SLC14A2: variants seen among roughly 807,000 people sequenced by gnomAD.
SLC14A2 encodes solute carrier family 14 member 2, also known as urea transporter 2.
SLC14A2 carries 91 observed loss-of-function variants against 104.6 expected under a neutral mutation model. That is an observed-to-expected ratio of 0.87 (90% CI 0.73 to 1.04). The LOEUF (loss-of-function observed/expected upper bound fraction) is 1.04. Ranked by LOEUF, SLC14A2 falls within the 50% of genes least tolerant of loss-of-function variation. The probability of loss-of-function intolerance (pLI) is 0.00; values close to 1 mark genes in which losing one functional copy is unlikely to be tolerated. For missense variants in SLC14A2, 1,189 were observed against 1,156.0 expected, an observed-to-expected ratio of 1.03 and a Z score of -0.41; for synonymous variants, 476 against 466.4, an observed-to-expected ratio of 1.02 and a Z score of -0.27.
chr18:45,228,629 G>A (rs749369727), intron 1 of SLC14A2, among the ~76,000 whole-genome samples: 4 of 152,138 alleles, frequency 2.6e-5, no homozygotes, highest in Admixed American at 6.6e-5. Flanking sequence ...GTTAGGGGGT[G>A]GAAAGACATC....
intron 10 of SLC14A2, among the ~76,000 whole-genome samples, chr18:45,653,395 T>G (rs1323050572): frequency 6.6e-6 from 1 of 152,054 alleles, no homozygotes; most frequent in South Asian, 2.1e-4. Flanking sequence ...TCTACTCAGG[T>G]GTAGCTAATT....
At chr18:45,393,909 G>A (rs1598751081) in intron 1 of SLC14A2, among the ~76,000 whole-genome samples, 1 of 152,128 alleles carries the variant, frequency 6.6e-6, no homozygotes, top group Non-Finnish European at 1.5e-5. Flanking sequence ...CACAGAAGAG[G>A]AAACAGACAC....
At chr18:45,651,964 G>T (rs1425002074) in intron 10 of SLC14A2, among the ~76,000 whole-genome samples, 1 of 152,186 alleles carries the variant, frequency 6.6e-6, no homozygotes, top group Non-Finnish European at 1.5e-5. Flanking sequence ...TCTCTGAAGG[G>T]ACTCTCTTTC....
intron 2 of SLC14A2, among the ~76,000 whole-genome samples, chr18:45,586,572 G>T (rs954406753): frequency 4.6e-5 from 7 of 152,196 alleles, no homozygotes; most frequent in African/African-American, 1.7e-4. Flanking sequence ...AGGCAGAATG[G>T]CAGGCCATTG....
At chr18:45,179,397 T>C in the SLC14A2 span, among the ~76,000 whole-genome samples, 1 of 152,228 alleles carries the variant, frequency 6.6e-6, no homozygotes, top group Non-Finnish European at 1.5e-5. Flanking sequence ...CCAGCTTCCT[T>C]TGCCATAGGA....
chr18:45,559,833 T>C (rs1018627373), intron 2 of SLC14A2, among the ~76,000 whole-genome samples: 1 of 152,232 alleles, frequency 6.6e-6, no homozygotes, highest in African/African-American at 2.4e-5. Context: ...GGCCTCCAGC[T>C]GTAGTGCCAG....
chr18:45,525,253 T>A (rs974587012), intron 2 of SLC14A2, among the ~76,000 whole-genome samples: 6 of 152,172 alleles, frequency 3.9e-5, no homozygotes, highest in Non-Finnish European at 8.8e-5. Flanking sequence ...TGGTAATGAA[T>A]CAAATGCAGT....
chr18:45,215,211 TTTAAGA>T (rs1410689835), intron 1 of SLC14A2, among the ~76,000 whole-genome samples: 3 of 152,222 alleles, frequency 2.0e-5, no homozygotes, highest in Non-Finnish European at 2.9e-5. Flanking sequence ...TATTCATGAG[TTTAAGA>T]TTAAGAATCA....
chr18:45,328,518 A>C (rs1481444866), intron 1 of SLC14A2, among the ~76,000 whole-genome samples: 6 of 152,202 alleles, frequency 3.9e-5, no homozygotes, highest in Non-Finnish European at 8.8e-5. Flanking sequence ...AGATTCATGA[A>C]GTCTCAGTAA....
intron 2 of SLC14A2, among the ~76,000 whole-genome samples, chr18:45,514,766 G>A (rs146559757): frequency 3.3e-5 from 5 of 152,284 alleles, no homozygotes; most frequent in East Asian, 1.9e-4. Flanking sequence ...TTATACCCTC[G>A]AAACGTAGAT....
the SLC14A2 span, among the ~76,000 whole-genome samples, chr18:45,195,017 A>G: frequency 6.6e-6 from 1 of 152,184 alleles, no homozygotes; most frequent in Non-Finnish European, 1.5e-5. Context: ...TGGGCAGAGA[A>G]AGAAGAAACT....
At chr18:45,362,630 A>G (rs1281424122) in intron 1 of SLC14A2, among the ~76,000 whole-genome samples, 2 of 152,188 alleles carry the variant, frequency 1.3e-5, no homozygotes, top group Non-Finnish European at 2.9e-5. Flanking sequence ...TATCACACTA[A>G]GAGAAACCAG....
intron 1 of SLC14A2, among the ~76,000 whole-genome samples, chr18:45,377,513 C>G (rs1302120834): frequency 6.6e-6 from 1 of 152,132 alleles, no homozygotes; most frequent in Non-Finnish European, 1.5e-5. Context: ...TAGTCCTTCC[C>G]ATTTGACCTC....
chr18:45,342,910 G>T (rs528850928), intron 1 of SLC14A2, among the ~76,000 whole-genome samples: 2 of 152,166 alleles, frequency 1.3e-5, no homozygotes, highest in Non-Finnish European at 2.9e-5. Flanking sequence ...AGAGCAGGAA[G>T]CTCCAGGTCT....
At chr18:45,358,569 C>T (rs1453914992) in intron 1 of SLC14A2, among the ~76,000 whole-genome samples, 3 of 152,084 alleles carry the variant, frequency 2.0e-5, no homozygotes, top group Admixed American at 1.3e-4. Context: ...CTTCAAGTAG[C>T]CTTTCTTTCC....
rs183352173 is a variant in SLC14A2, at chr18:45,532,076, G to C, written c.-35+48754G>C. 2.6e-3 allele frequency among the ~76,000 whole-genome samples: 390 copies of C among 152,116 alleles called. 1 individual carries two copies. Among genetic ancestry groups the C allele is most frequent in the African/African-American group, 8.8e-3 (367 of 41,492 alleles). On this transcript the variant is annotated intron_variant, in intron 2 of 20. Coordinates refer to the SLC14A2 transcript ENST00000586448. ...TTGGTCTATATCTCTGTTTTGGTAG[G>C]AGTACCATGCTGTTTTTGTTACTGT...
chr18:45,463,223 T>A (rs1269177957), intron 1 of SLC14A2, among the ~76,000 whole-genome samples: 1 of 152,172 alleles, frequency 6.6e-6, no homozygotes, highest in African/African-American at 2.4e-5. Context: ...CTGGGTTCCC[T>A]GTAAATTGGG....
intron 6 of SLC14A2, among the ~76,000 whole-genome samples, chr18:45,638,706 C>T (rs775666813): frequency 2.0e-4 from 30 of 152,196 alleles, no homozygotes; most frequent in Non-Finnish European, 2.2e-4. Context: ...TGTACCTGGG[C>T]ATAAAGGGCC....
At chr18:45,483,787 C>T (rs896000067) in intron 2 of SLC14A2, among the ~76,000 whole-genome samples, 1 of 152,136 alleles carries the variant, frequency 6.6e-6, no homozygotes, top group African/African-American at 2.4e-5. Flanking sequence ...TAAAGTTTAT[C>T]TTAAGGTCAC....
Sources: gnomAD v4.1 joint callset for allele counts (sites outside exome capture counted in the v4.1 genomes callset) on GRCh38, gnomAD v4.1.1 for gene constraint, MANE v1.5 for transcripts, NCBI Gene and HGNC (gene_info 2026-07-23, HGNC 2026-07-21) for gene names.